Variants in ST3GAL1 observed in about 807,000 individuals in gnomAD.
The protein encoded by ST3GAL1 is ST3 beta-galactoside alpha-2,3-sialyltransferase 1, also known as CMP-N-acetylneuraminate-beta-galactosamide-alpha-2,3-sialyltransferase 1.
ST3GAL1 carries 16 observed loss-of-function variants against 34.1 expected under a neutral mutation model. That is an observed-to-expected ratio of 0.47 (90% CI 0.32 to 0.71). ST3GAL1 has a LOEUF of 0.71. Ranked by LOEUF, ST3GAL1 falls within the 30% of genes least tolerant of loss-of-function variation. The pLI is 0.04. For synonymous variants in ST3GAL1, 191 were observed against 184.7 expected, an observed-to-expected ratio of 1.03 and a Z score of -0.28; for missense variants, 353 against 447.4, an observed-to-expected ratio of 0.79 and a Z score of 1.90.
At chr8:133,557,161 T>C (rs568053596) in intron 1 of ST3GAL1, among the ~76,000 whole-genome samples, 4 of 152,174 alleles carry the variant, frequency 2.6e-5, no homozygotes, top group African/African-American at 7.2e-5. Flanking sequence ...TGGTATTTCC[T>C]GGGCAGAACC....
chr8:133,546,264 C>A (rs1033979611), intron 1 of ST3GAL1, among the ~76,000 whole-genome samples: 8 of 152,284 alleles, frequency 5.3e-5, no homozygotes, highest in African/African-American at 1.9e-4. Context: ...AGGCAGATCG[C>A]TTGAGGTCAG....
At chr8:133,540,896 C>CAT (rs1182680023) in intron 2 of ST3GAL1, among the ~76,000 whole-genome samples, 3 of 81,866 alleles carry the variant, frequency 3.7e-5, no homozygotes, top group African/African-American at 1.2e-4. Context: ...TATATATAGA[C>CAT]ATATATATAG....
chr8:133,559,915 G>T (rs973657407), intron 1 of ST3GAL1, among the ~76,000 whole-genome samples: 1 of 152,042 alleles, frequency 6.6e-6, no homozygotes, highest in Non-Finnish European at 1.5e-5. Context: ...GGCACCTTGG[G>T]GCTCTTCGAA....
At chr8:133,531,190 A>C (rs1818141254) in intron 2 of ST3GAL1, among the ~76,000 whole-genome samples, 1 of 151,470 alleles carries the variant, frequency 6.6e-6, no homozygotes. Flanking sequence ...AACATTTGTG[A>C]TTTTTCAATT....
rs1341211806 is a variant in ST3GAL1 at position 133,458,306 on chromosome 8, AAAAAG to A, written c.*1453_*1457del. ...GTGCAAACAATGTCAGTTGAATAAA[AAAAAG>A]AAATCAATAAATAATCAGGAAGGCT... On this transcript the variant is annotated 3_prime_UTR_variant, in exon 10 of 10. Transcript: ENST00000522652. The A allele has an allele frequency of 2.6e-5, 4 of 152,088 alleles. No homozygotes were observed. Among genetic ancestry groups the A allele is most frequent in the Non-Finnish European group, 5.9e-5 (4 of 68,020 alleles). 9.4% of individuals were successfully genotyped at this position (152,088 alleles called of 1,614,324 possible). A position where few individuals can be genotyped will look rare whatever the true frequency, so the allele number is the denominator to read the frequency against.
chr8:133,559,729 G>A (rs56686044), intron 1 of ST3GAL1, among the ~76,000 whole-genome samples: 5,261 of 152,292 alleles, frequency 0.035, 292 homozygotes, highest in African/African-American at 0.11. Flanking sequence ...TTGCAACAGC[G>A]ACGCTGACGA....
intron 1 of ST3GAL1, among the ~76,000 whole-genome samples, chr8:133,553,047 C>A (rs781226663): frequency 5.9e-5 from 9 of 152,032 alleles, no homozygotes; most frequent in Non-Finnish European, 1.2e-4. Flanking sequence ...ACACAATATC[C>A]CTTTGTGCTC....
At chr8:133,468,813 C>T (rs1815840135) in intron 5 of ST3GAL1, among the ~76,000 whole-genome samples, 1 of 152,282 alleles carries the variant, frequency 6.6e-6, no homozygotes, top group Non-Finnish European at 1.5e-5. Context: ...CTAACAGACT[C>T]CTGGGTGATG....
chr8:133,512,338 GC>G (rs1232590086), intron 2 of ST3GAL1, among the ~76,000 whole-genome samples: 4 of 152,188 alleles, frequency 2.6e-5, no homozygotes, highest in Non-Finnish European at 4.4e-5. Flanking sequence ...AAAGATGGAG[GC>G]CGGAAGACTC....
rs541016279 is a variant in ST3GAL1 at position 133,467,239 on chromosome 8, T to A, written c.307-1149A>T. On this transcript the variant is annotated intron_variant, in intron 5 of 9. Transcript: ENST00000522652. This position sits in a 1 kb window ranked among gnomAD's most constrained non-coding sequence, Gnocchi z 4.2. Reference sequence around the variant, plus strand: ...AGGACTCTCAGTGCTAAAACCAGGATGAGTTGGTATCCCTATTGGCCCCCG... The same window carrying A: ...AGGACTCTCAGTGCTAAAACCAGGAAGAGTTGGTATCCCTATTGGCCCCCG... Among the ~76,000 whole-genome samples the A allele has an allele frequency of 2.8e-4, 42 of 152,128 alleles. No homozygotes were observed. The East Asian group carries it at 6.4e-3, about 23-fold the overall frequency.
chr8:133,492,934 G>A (rs539190369), intron 3 of ST3GAL1, among the ~76,000 whole-genome samples: 2 of 152,258 alleles, frequency 1.3e-5, no homozygotes, highest in Admixed American at 6.5e-5. Context: ...CTCACCCTCC[G>A]TCCAATAAGG....
chr8:133,562,143 A>G (rs569850494), intron 1 of ST3GAL1, among the ~76,000 whole-genome samples: 1 of 152,050 alleles, frequency 6.6e-6, no homozygotes, highest in African/African-American at 2.4e-5. Context: ...AGACACACAG[A>G]AGATCTGGAG....
At chr8:133,557,174 A>T (rs1158840701) in intron 1 of ST3GAL1, among the ~76,000 whole-genome samples, 2 of 152,226 alleles carry the variant, frequency 1.3e-5, no homozygotes, top group East Asian at 3.9e-4. Flanking sequence ...GCAGAACCTC[A>T]GGAAGAAAAA....
intron 1 of ST3GAL1, among the ~76,000 whole-genome samples, chr8:133,555,096 T>C (rs993983766): frequency 2.6e-5 from 4 of 152,004 alleles, no homozygotes; most frequent in Non-Finnish European, 5.9e-5. Flanking sequence ...TCCCGGCTGG[T>C]GTCTGTGCGG....
intron 9 of ST3GAL1, among the ~76,000 whole-genome samples, chr8:133,460,163 C>G (rs1232992430): frequency 1.3e-5 from 2 of 152,208 alleles, no homozygotes; most frequent in African/African-American, 4.8e-5. Flanking sequence ...TCCAGAAGCA[C>G]CCTGAGAGAT....
At chr8:133,514,863 G>A (rs911496278) in intron 2 of ST3GAL1, among the ~76,000 whole-genome samples, 7 of 152,004 alleles carry the variant, frequency 4.6e-5, no homozygotes, top group Non-Finnish European at 1.0e-4. Flanking sequence ...TCCTGTGGGG[G>A]TACTCACAGC....
chr8:133,537,882 C>T (rs1005468025), intron 2 of ST3GAL1, among the ~76,000 whole-genome samples: 6 of 152,142 alleles, frequency 3.9e-5, no homozygotes, highest in African/African-American at 7.2e-5. Flanking sequence ...TTCAGCTGTC[C>T]GGTGCCTGAC....
At position 133,464,916 on chromosome 8, in the gene ST3GAL1, C is replaced by A; in HGVS notation, c.545G>T (p.Gly182Val). ...CACCAGATGGTGGGTGGTCTTGGTC[C>A]CAACATCAGCTTCAAACCCTGCCGT... ...APTAGFEADV[G>V]TKTTHHLVYP... The change falls in exon 7 of 10, where the codon GGG becomes GTG. Residue 182 changes from glycine to valine, a missense_variant. Transcript: ENST00000522652. The A allele has an allele frequency of 6.2e-7, 1 of 1,613,960 alleles. No homozygotes were observed. The highest frequency in any genetic ancestry group is 8.5e-7 in the Non-Finnish European group (1 of 1,179,914).
In ST3GAL1 at chr8:133,571,628, C is replaced by G. The variant is rs979822581; in HGVS notation, c.-582+65G>C. 2 of 152,958 alleles carry G rather than the reference C, an allele frequency of 1.3e-5. No individual in the cohort carries two copies. The highest frequency in any genetic ancestry group is 4.8e-5 in the African/African-American group (2 of 41,470). 9.5% of individuals were successfully genotyped at this position (152,958 alleles called of 1,614,324 possible). A position where few individuals can be genotyped will look rare whatever the true frequency, so the allele number is the denominator to read the frequency against. Reference sequence around the variant, plus strand: ...AGAATCCACAGGAAACTGCCCGAGCCCCAACTCAGGCGGACGCAGCCCCCG... The same window carrying G: ...AGAATCCACAGGAAACTGCCCGAGCGCCAACTCAGGCGGACGCAGCCCCCG... On this transcript the variant is annotated intron_variant, in intron 1 of 9. Transcript: ENST00000522652. This position sits in a 1 kb window ranked among gnomAD's most constrained non-coding sequence, Gnocchi z 6.7.
Sources: gnomAD v4.1 joint callset for allele counts (sites outside exome capture counted in the v4.1 genomes callset) on GRCh38, gnomAD v4.1.1 for gene constraint, Gnocchi (gnomAD v3.1) non-coding constraint, MANE v1.5 for transcripts, NCBI Gene and HGNC (gene_info 2026-07-23, HGNC 2026-07-21) for gene names.